IMPG1: variants seen among roughly 807,000 people sequenced by gnomAD.
The protein encoded by IMPG1 is interphotoreceptor matrix proteoglycan 1.
Under a neutral mutation model 92.0 loss-of-function variants are expected in IMPG1, and 85 were observed. The ratio of observed to expected loss-of-function variants is 0.92; its 90% CI spans 0.78 to 1.11. IMPG1 has a LOEUF of 1.11. Ranked by LOEUF, IMPG1 falls within the 50% of genes least tolerant of loss-of-function variation. The pLI is 0.00. For missense variants in IMPG1, 1,022 were observed against 956.0 expected (o/e 1.07, Z -0.91); for synonymous variants, 367 against 334.1 (o/e 1.10, Z -1.08).
chr6:75,950,751 A>G lies in IMPG1; in HGVS notation c.1635T>C (p.His545=). 1 of 1,613,972 alleles carries G rather than the reference A, an allele frequency of 6.2e-7. No homozygotes were observed. Reference sequence around the variant, plus strand: ...AGACAGGAGTGGTATCCTCCAAGAAATGATCTGGGACAGAAACATATTCGC... The same window carrying G: ...AGACAGGAGTGGTATCCTCCAAGAAGTGATCTGGGACAGAAACATATTCGC... The part of the protein sequence containing the change: ...ELSEYVSVPD[H]FLEDTTPVSA... The change falls in exon 13 of 17, where the codon CAT becomes CAC. Residue 545 remains histidine (H), a synonymous_variant. Coordinates refer to ENST00000369950, the MANE Select transcript of IMPG1 (RefSeq NM_001563.4).
intron 1 of IMPG1, among the ~76,000 whole-genome samples, chr6:76,063,539 G>A (rs920013081): frequency 2.6e-5 from 4 of 152,220 alleles, no homozygotes; most frequent in African/African-American, 9.6e-5. Flanking sequence ...TGGTGTGGCA[G>A]TGATTTGGTG....
chr6:75,936,251 AC>A (rs1781743080), intron 14 of IMPG1, among the ~76,000 whole-genome samples: 2 of 152,252 alleles, frequency 1.3e-5, no homozygotes, highest in African/African-American at 4.8e-5. Flanking sequence ...ACTCAAACAT[AC>A]GTCTCCCATT....
At chr6:76,031,469 A>G (rs1019523225) in intron 4 of IMPG1, among the ~76,000 whole-genome samples, 15 of 152,246 alleles carry the variant, frequency 9.9e-5, no homozygotes, top group African/African-American at 3.6e-4. Context: ...GCTCTGGCCA[A>G]TCAGAACAGA....
chr6:75,924,487 A>T (rs1195408925), intron 15 of IMPG1, among the ~76,000 whole-genome samples: 1 of 90,350 alleles, frequency 1.1e-5, no homozygotes, highest in East Asian at 2.6e-4. Flanking sequence ...ATATATTATA[A>T]TATAATATAA....
At chr6:76,055,646 G>A (rs1485188719) in intron 1 of IMPG1, among the ~76,000 whole-genome samples, 1 of 151,452 alleles carries the variant, frequency 6.6e-6, no homozygotes, top group Non-Finnish European at 1.5e-5. Context: ...ACAAAAACAG[G>A]TAAACAAACA....
intron 13 of IMPG1, among the ~76,000 whole-genome samples, chr6:75,950,244 C>A (rs572941830): frequency 6.6e-6 from 1 of 152,120 alleles, no homozygotes; most frequent in African/African-American, 2.4e-5. Context: ...TTTTTAGATT[C>A]CATGTTCAGT....
chr6:76,034,797 A>G lies in IMPG1; in HGVS notation c.302-10T>C. On this transcript the variant is annotated splice_polypyrimidine_tract_variant and intron_variant, in intron 2 of 16. Coordinates refer to ENST00000369950, the MANE Select transcript of IMPG1 (RefSeq NM_001563.4). ...ACTGCTTCCTGACACACTGTAATAC[A>G]GAGTCATTAATGGCCATGCCCTAAG... 1 of 1,607,434 alleles carries G rather than the reference A, an allele frequency of 6.2e-7. No homozygotes were observed. Among genetic ancestry groups the G allele is most frequent in the Non-Finnish European group, 8.5e-7 (1 of 1,174,998 alleles).
At chr6:76,051,210 C>T (rs1784037766) in intron 1 of IMPG1, among the ~76,000 whole-genome samples, 1 of 152,134 alleles carries the variant, frequency 6.6e-6, no homozygotes, top group South Asian at 2.1e-4. Context: ...GTTTGAGATT[C>T]ATTATGCCCT....
At chr6:75,993,226 G>A (rs180730870) in intron 12 of IMPG1, among the ~76,000 whole-genome samples, 4 of 152,124 alleles carry the variant, frequency 2.6e-5, no homozygotes, top group South Asian at 2.1e-4. Context: ...TTTAGGCCTC[G>A]GAAACATCAC....
In IMPG1 at chr6:76,041,903, A is replaced by G. The variant is rs1357627980; in HGVS notation, c.291T>C (p.Tyr97=). The change falls in exon 2 of 17, where the codon TAT becomes TAC. Residue 97 remains tyrosine (Y), a synonymous_variant. Transcript: ENST00000369950. ...KQILDSLQAY[Y]RLRVCQEAVW... is the part of the protein sequence containing the mutation. ...CATCTCTTTCCTTACCTCTCAATCT[A>G]TAATAAGCTTGAAGACTGTCTAAAA... 3.1e-6 allele frequency: 5 copies of G among 1,594,436 alleles called. No individual in the cohort carries two copies. The African/African-American group carries it at 4.0e-5, about 13-fold the overall frequency.
In IMPG1 at chr6:76,034,667, C is replaced by G. The variant is rs766933633; in HGVS notation, c.422G>C (p.Gly141Ala). The G allele has an allele frequency of 3.1e-6, 5 of 1,614,116 alleles. No homozygotes were observed. In the Admixed American group the frequency reaches 6.7e-5, roughly 22 times the overall value. ...CTCCTGGGAATTGCTGAAGTTTTTT[C>G]CAATGTCAAAGAGGCAGAAGGTCTC... ...QQETFCLFDI[G>A]KNFSNSQEHL... Residue 141 changes from glycine to alanine, a missense_variant, in exon 3 of 17, where the codon GGA (glycine) becomes GCA (alanine). Physicochemically the swap from Gly to Ala is moderately conservative, Grantham distance 60. Coordinates refer to ENST00000369950, the MANE Select transcript of IMPG1 (RefSeq NM_001563.4).
At chr6:75,950,443 G>T in intron 13 of IMPG1, 119 bp downstream of exon 13, 1 of 853,924 alleles carries the variant, frequency 1.2e-6, no homozygotes, top group Non-Finnish European at 1.8e-6. Flanking sequence ...AGCAACAGCT[G>T]GCTTGGCGGT....
At chr6:76,034,522 A>C in intron 3 of IMPG1, 99 bp downstream of exon 3, 1 of 1,343,966 alleles carries the variant, frequency 7.4e-7, no homozygotes, top group Non-Finnish European at 1.0e-6. Flanking sequence ...TTCTTCAATT[A>C]ACCCTTACGT....
chr6:76,061,247 C>T (rs1784200077), intron 1 of IMPG1, among the ~76,000 whole-genome samples: 1 of 152,162 alleles, frequency 6.6e-6, no homozygotes, highest in South Asian at 2.1e-4. Context: ...ACAGATTGTT[C>T]ATTTGTACAT....
At chr6:76,034,911 A>G in intron 2 of IMPG1, 124 bp from the exon 3 acceptor site, 1 of 778,836 alleles carries the variant, frequency 1.3e-6, no homozygotes, top group Non-Finnish European at 2.0e-6. Flanking sequence ...ACAGTCTCTA[A>G]AAGTTAATTC....
intron 14 of IMPG1, 30 bp downstream of exon 14, chr6:75,947,284 T>C: frequency 6.5e-7 from 1 of 1,527,322 alleles, no homozygotes; most frequent in African/African-American, 1.4e-5. Context: ...ACAAAACATC[T>C]CTACCACTTT....
intron 14 of IMPG1, among the ~76,000 whole-genome samples, chr6:75,941,981 C>T (rs1962601): frequency 6.6e-6 from 1 of 152,080 alleles, no homozygotes; most frequent in Non-Finnish European, 1.5e-5. Context: ...GACACTGGAC[C>T]TGAGGTGGGA....
At chr6:76,041,006 T>C (rs1366640958) in intron 2 of IMPG1, among the ~76,000 whole-genome samples, 1 of 152,206 alleles carries the variant, frequency 6.6e-6, no homozygotes, top group Non-Finnish European at 1.5e-5. Context: ...ACATCTAGTG[T>C]GATCAAGATA....
At chr6:76,054,322 G>A (rs1459212416) in intron 1 of IMPG1, among the ~76,000 whole-genome samples, 2 of 152,000 alleles carry the variant, frequency 1.3e-5, no homozygotes, top group African/African-American at 4.8e-5. Flanking sequence ...GAATTGGATT[G>A]CCTGATTTAG....
Sources: gnomAD v4.1 joint callset for allele counts (sites outside exome capture counted in the v4.1 genomes callset) on GRCh38, gnomAD v4.1.1 for gene constraint, MANE v1.5 for transcripts, NCBI Gene and HGNC (gene_info 2026-07-23, HGNC 2026-07-21) for gene names.